The following GUCY1A2 variants were observed in gnomAD, a reference collection of about 807,000 sequenced individuals.
GUCY1A2 encodes guanylate cyclase 1 soluble subunit alpha 2.
A neutral mutation model predicts 63.5 loss-of-function variants in GUCY1A2; 27 were observed. That is an observed-to-expected ratio of 0.43 (90% CI 0.31 to 0.59). The LOEUF is 0.59. Among genes scored for constraint, GUCY1A2 ranks in the 20% least tolerant of loss-of-function variants. The probability of loss-of-function intolerance (pLI) is 0.11; values close to 1 mark genes in which losing one functional copy is unlikely to be tolerated. For missense variants in GUCY1A2, 768 were observed against 913.3 expected (o/e 0.84, Z 2.05); for synonymous variants, 364 against 343.5 (o/e 1.06, Z -0.66).
intron 6 of GUCY1A2, among the ~76,000 whole-genome samples, chr11:106,722,647 G>C (rs1452620260): frequency 6.6e-6 from 1 of 151,952 alleles, no homozygotes; most frequent in Non-Finnish European, 1.5e-5. Context: ...TAAAAGGCTT[G>C]GTAGTATTTA....
At chr11:106,917,357 G>A (rs1276864433) in intron 4 of GUCY1A2, among the ~76,000 whole-genome samples, 1 of 145,736 alleles carries the variant, frequency 6.9e-6, no homozygotes, top group Admixed American at 6.8e-5. Context: ...ATGGTACAGA[G>A]TGACAAGACA....
chr11:106,857,192 G>A (rs745917284), intron 4 of GUCY1A2, among the ~76,000 whole-genome samples: 6 of 152,136 alleles, frequency 3.9e-5, no homozygotes, highest in Non-Finnish European at 8.8e-5. Flanking sequence ...AGTTTTGGAG[G>A]TTGGAGGTCC....
intron 6 of GUCY1A2, among the ~76,000 whole-genome samples, chr11:106,735,056 A>G (rs998763368): frequency 2.0e-5 from 3 of 152,056 alleles, no homozygotes; most frequent in Admixed American, 6.6e-5. Flanking sequence ...AAGTATTTCG[A>G]TACAGGCATA....
intron 3 of GUCY1A2, among the ~76,000 whole-genome samples, chr11:106,955,963 A>T (rs1860978991): frequency 6.6e-6 from 1 of 151,954 alleles, no homozygotes; most frequent in African/African-American, 2.4e-5. Flanking sequence ...CCTTTTATCA[A>T]GTCCCATACT....
At chr11:106,777,243 T>C (rs1864373386) in intron 5 of GUCY1A2, among the ~76,000 whole-genome samples, 2 of 151,986 alleles carry the variant, frequency 1.3e-5, no homozygotes, top group Non-Finnish European at 2.9e-5. Context: ...GAGGTCAGCA[T>C]ATCGAGACCA....
chr11:106,836,375 C>T (rs1334309945), intron 4 of GUCY1A2, among the ~76,000 whole-genome samples: 2 of 151,948 alleles, frequency 1.3e-5, no homozygotes, highest in East Asian at 1.9e-4. Context: ...AGAGAAAATA[C>T]ATATACAGTA....
At chr11:106,952,653 G>GT (rs34041419) in intron 3 of GUCY1A2, among the ~76,000 whole-genome samples, 55,198 of 148,900 alleles carry the variant, frequency 0.37, 10,828 homozygotes, top group Non-Finnish European at 0.45. Context: ...GATGATGAGG[G>GT]TTTTTTTTTT....
intron 5 of GUCY1A2, among the ~76,000 whole-genome samples, chr11:106,807,636 G>T (rs561465537): frequency 6.6e-6 from 1 of 152,268 alleles, no homozygotes; most frequent in East Asian, 1.9e-4. Context: ...TGGATTGAAG[G>T]ATAAAAAATA....
chr11:106,746,665 A>C (rs1245135009), intron 6 of GUCY1A2: 1 of 1,384,512 alleles, frequency 7.2e-7, no homozygotes, highest in Non-Finnish European at 1.0e-6. Context: ...ACACCGAGAC[A>C]CCAAGTGAAT....
intron 4 of GUCY1A2, among the ~76,000 whole-genome samples, chr11:106,845,971 T>C (rs763762758): frequency 6.6e-6 from 1 of 151,644 alleles, no homozygotes; most frequent in Non-Finnish European, 1.5e-5. Context: ...AACTACTATT[T>C]TGTACCACTT....
intron 7 of GUCY1A2, among the ~76,000 whole-genome samples, chr11:106,700,706 G>A (rs1862804001): frequency 6.6e-6 from 1 of 151,902 alleles, no homozygotes; most frequent in South Asian, 2.1e-4. Flanking sequence ...GATTAATAAA[G>A]TTATTTAAAA....
At chr11:106,902,975 C>A (rs183121678) in intron 4 of GUCY1A2, among the ~76,000 whole-genome samples, 2 of 152,264 alleles carry the variant, frequency 1.3e-5, no homozygotes, top group African/African-American at 2.4e-5. Context: ...GACGACAGTA[C>A]ATGCCTCTTG....
intron 7 of GUCY1A2, among the ~76,000 whole-genome samples, chr11:106,693,715 A>C (rs1374351753): frequency 1.3e-5 from 2 of 152,136 alleles, no homozygotes; most frequent in Non-Finnish European, 2.9e-5. Context: ...GATTGCATCC[A>C]ACATTATTTC....
At chr11:107,011,504 C>G in intron 1 of GUCY1A2, among the ~76,000 whole-genome samples, 1 of 144,498 alleles carries the variant, frequency 6.9e-6, no homozygotes, top group East Asian at 2.0e-4. Context: ...ATAATCAGGA[C>G]TATATAATAT....
At chr11:106,816,835 A>C (rs1858838989) in intron 4 of GUCY1A2, among the ~76,000 whole-genome samples, 1 of 151,992 alleles carries the variant, frequency 6.6e-6, no homozygotes, top group Admixed American at 6.6e-5. Context: ...TTACATTAAA[A>C]AATTTGACAG....
At chr11:106,958,130 A>G (rs986765710) in intron 3 of GUCY1A2, among the ~76,000 whole-genome samples, 5 of 152,186 alleles carry the variant, frequency 3.3e-5, no homozygotes, top group African/African-American at 1.2e-4. Flanking sequence ...TAATACTTCT[A>G]TACTTCTGGA....
intron 6 of GUCY1A2, among the ~76,000 whole-genome samples, chr11:106,760,889 G>C (rs1864055230): frequency 6.6e-6 from 1 of 152,054 alleles, no homozygotes; most frequent in Non-Finnish European, 1.5e-5. Context: ...ACTGAGGAAA[G>C]AATTAATAGT....
chr11:106,827,807 C>T (rs928266882), intron 4 of GUCY1A2: 6 of 1,588,804 alleles, frequency 3.8e-6, no homozygotes, highest in Admixed American at 1.7e-5. Flanking sequence ...GAGTAGCCAA[C>T]TGCTCCGCAC....
chr11:106,709,459 T>C (rs1434862090), intron 6 of GUCY1A2, among the ~76,000 whole-genome samples: 2 of 92,832 alleles, frequency 2.2e-5, no homozygotes, highest in Non-Finnish European at 3.8e-5. Flanking sequence ...ATTCTATATT[T>C]ATAGAATAAT....
Sources: gnomAD v4.1 joint callset for allele counts (sites outside exome capture counted in the v4.1 genomes callset) on GRCh38, gnomAD v4.1.1 for gene constraint, MANE v1.5 for transcripts, NCBI Gene and HGNC (gene_info 2026-07-23, HGNC 2026-07-21) for gene names.